The following CCDC126 variants were observed in gnomAD, a reference collection of about 807,000 sequenced individuals.
CCDC126 encodes coiled-coil domain containing 126, also known as coiled-coil domain-containing protein 126.
CCDC126 carries 5 observed loss-of-function variants against 11.7 expected under a neutral mutation model. The observed-to-expected ratio is 0.43, with a 90% CI of 0.22 to 0.90. The LOEUF (loss-of-function observed/expected upper bound fraction) is 0.90. Ranked by LOEUF, CCDC126 falls within the 40% of genes least tolerant of loss-of-function variation. The pLI, the probability that CCDC126 is intolerant of heterozygous loss-of-function variation, is 0.27. For synonymous variants in CCDC126, 60 were observed against 61.9 expected, an observed-to-expected ratio of 0.97 and a Z score of 0.14; for missense variants, 150 against 163.1, an observed-to-expected ratio of 0.92 and a Z score of 0.44.
chr7:23,633,666 C>G (rs1353985829), intron 3 of CCDC126, among the ~76,000 whole-genome samples: 4 of 151,990 alleles, frequency 2.6e-5, no homozygotes, highest in African/African-American at 9.7e-5. Flanking sequence ...GAGTTCGATA[C>G]CAGCCTGGCA....
At chr7:23,605,920 G>C (rs1235929834) in intron 2 of CCDC126, among the ~76,000 whole-genome samples, 3 of 151,758 alleles carry the variant, frequency 2.0e-5, no homozygotes, top group African/African-American at 7.3e-5. Flanking sequence ...ACCATTTTAT[G>C]TGCCCACCAG....
chr7:23,611,865 C>G (rs190800862), intron 3 of CCDC126, among the ~76,000 whole-genome samples: 2 of 152,230 alleles, frequency 1.3e-5, no homozygotes, highest in Admixed American at 1.3e-4. Context: ...TGTTGGAGGC[C>G]GGGCGTGATG....
intron 3 of CCDC126, among the ~76,000 whole-genome samples, chr7:23,628,228 C>A (rs13230595): frequency 0.18 from 27,963 of 151,938 alleles, 2,959 homozygotes; most frequent in Non-Finnish European, 0.25. Context: ...CCAAATACAA[C>A]CAAAAGCCTT....
At position 23,631,913 on chromosome 7, in the gene CCDC126, G is replaced by T. The variant is rs1340317346; in HGVS notation, c.239-11018G>T. Among the ~76,000 whole-genome samples, 6 of 152,050 alleles carry T rather than the reference G, an allele frequency of 3.9e-5. No individual in the cohort carries two copies. In the East Asian group the frequency reaches 1.2e-3, roughly 29 times the overall value. On this transcript the variant is annotated intron_variant, in intron 3 of 3. Transcript: ENST00000307471. ...GCAATCTTTTCCAGAAAATAGAAGG[G>T]GAAGGAGCAATTCCTAGTTCATTTT... is the stretch of plus-strand genomic sequence containing the variant.
rs1017975857 is a variant in CCDC126 at position 23,643,661 on chromosome 7, T to G, written c.*546T>G. Reference sequence around the variant, plus strand: ...TGTTTTGAAATCATGACCCAAAGAATGTATTGATTTGCACTATCCTTCAGA... The same window carrying G: ...TGTTTTGAAATCATGACCCAAAGAAGGTATTGATTTGCACTATCCTTCAGA... On this transcript the variant is annotated 3_prime_UTR_variant, in exon 4 of 4. Transcript: ENST00000307471. 2 of 152,656 alleles carry G rather than the reference T, an allele frequency of 1.3e-5. No homozygotes were observed. Among genetic ancestry groups the G allele is most frequent in the Middle Eastern group, 3.2e-3 (1 of 316 alleles). The allele number at this position is 152,656 out of a possible 1,614,324, so 9.5% of individuals were successfully genotyped here.
intron 3 of CCDC126, among the ~76,000 whole-genome samples, chr7:23,631,327 C>G (rs556616482): frequency 6.6e-6 from 1 of 152,102 alleles, no homozygotes; most frequent in Non-Finnish European, 1.5e-5. Flanking sequence ...AGGGCAGACC[C>G]TGCAGATATC....
intron 2 of CCDC126, among the ~76,000 whole-genome samples, chr7:23,601,001 G>A (rs528180835): frequency 1.3e-5 from 2 of 151,680 alleles, no homozygotes; most frequent in East Asian, 3.9e-4. Context: ...AATCATGTGG[G>A]CCCAGGAGTT....
intron 3 of CCDC126, among the ~76,000 whole-genome samples, chr7:23,636,160 T>G (rs1273464925): frequency 2.0e-5 from 3 of 152,182 alleles, no homozygotes; most frequent in Non-Finnish European, 4.4e-5. Context: ...TCTCGTTCAC[T>G]CAGTGCTCAA....
At chr7:23,636,316 C>T (rs1191396206) in intron 3 of CCDC126, among the ~76,000 whole-genome samples, 20 of 151,174 alleles carry the variant, frequency 1.3e-4, no homozygotes, top group Non-Finnish European at 2.7e-4. Context: ...CTCTGCCTGG[C>T]CCCCCATCGT....
At chr7:23,619,949 T>C (rs982467840) in intron 3 of CCDC126, among the ~76,000 whole-genome samples, 2 of 152,064 alleles carry the variant, frequency 1.3e-5, no homozygotes, top group African/African-American at 4.8e-5. Context: ...CCATGGTGTC[T>C]ATGTGCCACA....
intron 3 of CCDC126, among the ~76,000 whole-genome samples, chr7:23,640,438 G>A (rs1033655702): frequency 2.0e-5 from 3 of 150,896 alleles, no homozygotes; most frequent in South Asian, 2.1e-4. Flanking sequence ...TGGAGGTTGC[G>A]ATGAGCCGAG....
chr7:23,622,656 A>C, intron 3 of CCDC126: 1 of 534,720 alleles, frequency 1.9e-6, no homozygotes, highest in Non-Finnish European at 3.8e-6. Flanking sequence ...CTGTGTACAC[A>C]CAAAGGAACC....
At chr7:23,619,486 C>A in intron 3 of CCDC126, 1 of 374,164 alleles carries the variant, frequency 2.7e-6, no homozygotes. Flanking sequence ...TCCCCAACAC[C>A]CTTCCTGCCT....
chr7:23,623,564 C>T (rs1007351300), intron 3 of CCDC126, among the ~76,000 whole-genome samples: 6 of 148,550 alleles, frequency 4.0e-5, no homozygotes, highest in African/African-American at 1.5e-4. Flanking sequence ...CCACTGCATT[C>T]CAGCCTAGGT....
At chr7:23,610,243 GCT>G (rs1404959953) in intron 2 of CCDC126, among the ~76,000 whole-genome samples, 1 of 152,144 alleles carries the variant, frequency 6.6e-6, no homozygotes, top group African/African-American at 2.4e-5. Flanking sequence ...ACAAGGTCTT[GCT>G]CTGTCACCCA....
At chr7:23,613,800 A>C (rs1159920553) in intron 3 of CCDC126, among the ~76,000 whole-genome samples, 2 of 152,232 alleles carry the variant, frequency 1.3e-5, no homozygotes, top group Non-Finnish European at 2.9e-5. Flanking sequence ...CACAATAAGC[A>C]AGTCACACAG....
chr7:23,617,295 C>T (rs1782809486), intron 3 of CCDC126, among the ~76,000 whole-genome samples: 1 of 139,936 alleles, frequency 7.1e-6, no homozygotes, highest in Admixed American at 7.8e-5. Context: ...TTGCAGTGAG[C>T]CAAGATTGCA....
intron 3 of CCDC126, among the ~76,000 whole-genome samples, chr7:23,630,234 C>G (rs1219106816): frequency 6.6e-6 from 1 of 152,136 alleles, no homozygotes; most frequent in African/African-American, 2.4e-5. Context: ...TGTGGTGGCT[C>G]TCGCCTGTAA....
intron 3 of CCDC126, among the ~76,000 whole-genome samples, chr7:23,621,922 G>T (rs972053598): frequency 6.6e-6 from 1 of 152,168 alleles, no homozygotes; most frequent in Admixed American, 6.5e-5. Context: ...TGCATCCCAG[G>T]GATGAAGCCC....
Sources: allele counts gnomAD v4.1 joint callset (sites outside exome capture counted in the v4.1 genomes callset), GRCh38; gene constraint gnomAD v4.1.1; transcripts MANE v1.5; gene names NCBI Gene and HGNC (gene_info 2026-07-23, HGNC 2026-07-21).